The following CCDC141 variants were observed in gnomAD, a reference collection of about 807,000 sequenced individuals.
CCDC141 encodes the protein coiled-coil domain containing 141.
In CCDC141, 168 loss-of-function variants were observed where a neutral mutation model predicts 181.0. The ratio of observed to expected loss-of-function variants is 0.93; its 90% confidence interval spans 0.82 to 1.05. The LOEUF (loss-of-function observed/expected upper bound fraction) is 1.05, where lower values mean the gene tolerates loss of function less well. Ranked by LOEUF, CCDC141 falls within the 50% of genes least tolerant of loss-of-function variation. The probability of loss-of-function intolerance (pLI) is 0.00; values close to 1 mark genes in which losing one functional copy is unlikely to be tolerated. For missense variants in CCDC141, 1,902 were observed against 1,788.5 expected (o/e 1.06, Z -1.14); for synonymous variants, 666 against 642.3 (o/e 1.04, Z -0.56).
the CCDC141 span, among the ~76,000 whole-genome samples, chr2:178,823,631 CGTT>C: frequency 6.6e-6 from 1 of 152,000 alleles, no homozygotes; most frequent in Admixed American, 6.6e-5. Context: ...GATGTTATGA[CGTT>C]GTTATTACAT....
At chr2:178,865,335 A>AC (rs1384406564) in intron 17 of CCDC141, among the ~76,000 whole-genome samples, 1 of 152,202 alleles carries the variant, frequency 6.6e-6, no homozygotes, top group Non-Finnish European at 1.5e-5. Context: ...TGAGTCAATG[A>AC]CCCTTAAATA....
intron 2 of CCDC141, among the ~76,000 whole-genome samples, chr2:179,018,917 AG>A (rs2042620468): frequency 6.6e-6 from 1 of 152,236 alleles, no homozygotes; most frequent in African/African-American, 2.4e-5. Flanking sequence ...AGAAAAGATA[AG>A]TCAATGAAAT....
At chr2:179,011,299 C>T (rs1321920262) in intron 2 of CCDC141, among the ~76,000 whole-genome samples, 1 of 152,078 alleles carries the variant, frequency 6.6e-6, no homozygotes, top group African/African-American at 2.4e-5. Flanking sequence ...CAAATGGACA[C>T]CAAAAATGAG....
At chr2:178,909,844 G>T (rs1284037438) in intron 7 of CCDC141, among the ~76,000 whole-genome samples, 1 of 152,010 alleles carries the variant, frequency 6.6e-6, no homozygotes, top group Non-Finnish European at 1.5e-5. Flanking sequence ...TTTTCCCTTT[G>T]GTCTTTTTTC....
rs1488450947 is a variant in CCDC141, at chr2:179,047,396, C to T, written c.113G>A (p.Trp38Ter). 4.6e-6 allele frequency: 7 copies of T among 1,509,688 alleles called. No homozygotes were observed. Among genetic ancestry groups the T allele is most frequent in the Admixed American group, 2.5e-5 (1 of 40,674 alleles). 93.5% of individuals were successfully genotyped at this position (1,509,688 alleles called of 1,614,324 possible). A position where few individuals can be genotyped will look rare whatever the true frequency, so the allele number is the denominator to read the frequency against. ...TGATTCAGCCAGTTGAAGTTGTACCCATTTGCCACACTAAAAATAAAAATT... is the reference window on the plus strand; with the variant it reads ...TGATTCAGCCAGTTGAAGTTGTACCTATTTGCCACACTAAAAATAAAAATT... ...IVIAVIKCGK[W>*]VQLQLAESQP... Residue 38 changes from tryptophan to a stop codon, truncating the protein, a stop_gained, in exon 2 of 24, where the codon TGG becomes TAG. Transcript: ENST00000443758. LOFTEE classifies it high-confidence loss of function.
chr2:178,964,445 A>G (rs1187342368), intron 4 of CCDC141, among the ~76,000 whole-genome samples: 1 of 152,216 alleles, frequency 6.6e-6, no homozygotes, highest in East Asian at 1.9e-4. Flanking sequence ...CCATGAGAAT[A>G]TGAACAATTA....
chr2:179,017,089 T>G (rs2042564490), intron 2 of CCDC141, among the ~76,000 whole-genome samples: 1 of 152,160 alleles, frequency 6.6e-6, no homozygotes, highest in African/African-American at 2.4e-5. Context: ...CGAATATTTG[T>G]AAGTTATGAT....
At chr2:178,938,527 T>G (rs535319706) in intron 6 of CCDC141, among the ~76,000 whole-genome samples, 183 of 152,252 alleles carry the variant, frequency 1.2e-3, no homozygotes, top group Non-Finnish European at 2.0e-3. Flanking sequence ...GCGGTCAATT[T>G]TAGAGTATGT....
rs772453246 is a variant in CCDC141 at position 178,869,264 on chromosome 2, C to T, written c.2247G>A (p.Glu749=). 1.9e-6 allele frequency: 3 copies of T among 1,613,078 alleles called. No individual in the cohort carries two copies. Among genetic ancestry groups the T allele is most frequent in the Non-Finnish European group, 2.5e-6 (3 of 1,179,628 alleles). The part of the protein sequence containing the change: ...DEVQYIMKES[E]ELTGRGAPVK... Reference sequence around the variant, plus strand: ...CAGGGGCTCCTCTGCCAGTTAACTCCTCTGATTCTTTCATAATGTACTGAA... The same window carrying T: ...CAGGGGCTCCTCTGCCAGTTAACTCTTCTGATTCTTTCATAATGTACTGAA... Residue 749 remains glutamate (E), a synonymous_variant, in exon 15 of 24, where the codon GAG becomes GAA. Coordinates refer to ENST00000443758, the MANE Select transcript of CCDC141 (RefSeq NM_173648.4).
At chr2:178,939,002 A>G (rs1689401526) in intron 6 of CCDC141, among the ~76,000 whole-genome samples, 2 of 152,062 alleles carry the variant, frequency 1.3e-5, no homozygotes, top group Admixed American at 1.3e-4. Flanking sequence ...CTCTAATCTA[A>G]TCTGCATGGT....
intron 1 of CCDC141, among the ~76,000 whole-genome samples, chr2:179,048,582 T>C (rs910967792): frequency 6.6e-6 from 1 of 152,218 alleles, no homozygotes; most frequent in Non-Finnish European, 1.5e-5. Flanking sequence ...AAATAGTGAG[T>C]TTGCCTCTTT....
chr2:179,049,483 TC>T (rs1175264137), intron 1 of CCDC141, among the ~76,000 whole-genome samples: 10 of 152,188 alleles, frequency 6.6e-5, no homozygotes, highest in Admixed American at 2.0e-4. Context: ...TCCATTGGAC[TC>T]TTTAGTCAGG....
chr2:178,844,420 C>T (rs1383073454), intron 22 of CCDC141, among the ~76,000 whole-genome samples: 1 of 152,028 alleles, frequency 6.6e-6, no homozygotes, highest in East Asian at 1.9e-4. Context: ...ATTCTCTGGC[C>T]AAAATGTCAA....
intron 2 of CCDC141, among the ~76,000 whole-genome samples, chr2:179,015,021 C>G (rs1365714277): frequency 1.5e-5 from 2 of 134,004 alleles, no homozygotes; most frequent in Non-Finnish European, 3.1e-5. Flanking sequence ...GGAACAAACC[C>G]AAATGCCCAT....
chr2:179,014,511 C>T (rs1033511296), intron 2 of CCDC141, among the ~76,000 whole-genome samples: 7 of 152,086 alleles, frequency 4.6e-5, no homozygotes, highest in Admixed American at 6.5e-5. Flanking sequence ...AAAATCTTCA[C>T]AATCTATACA....
At chr2:178,969,205 C>T (rs1172604740) in intron 4 of CCDC141, among the ~76,000 whole-genome samples, 2 of 146,756 alleles carry the variant, frequency 1.4e-5, no homozygotes, top group African/African-American at 5.0e-5. Flanking sequence ...CCTTCTGAAA[C>T]TATTCCAAAC....
At chr2:178,936,822 G>A (rs1193333360) in intron 6 of CCDC141, among the ~76,000 whole-genome samples, 1 of 151,984 alleles carries the variant, frequency 6.6e-6, no homozygotes, top group Non-Finnish European at 1.5e-5. Flanking sequence ...TCCCTGGTTA[G>A]CTGTATTCCT....
At chr2:179,047,978 A>C (rs1559071143) in intron 1 of CCDC141, among the ~76,000 whole-genome samples, 1 of 152,190 alleles carries the variant, frequency 6.6e-6, no homozygotes. Flanking sequence ...TAGTTGTTGA[A>C]TATTCATTAA....
intron 2 of CCDC141, among the ~76,000 whole-genome samples, chr2:179,042,137 G>A (rs543225921): frequency 4.1e-4 from 62 of 152,212 alleles, no homozygotes; most frequent in South Asian, 8.3e-4. Context: ...GCCACATGGC[G>A]CTTACTTTAA....
Sources: gnomAD v4.1 joint callset for allele counts (sites outside exome capture counted in the v4.1 genomes callset) on GRCh38, gnomAD v4.1.1 for gene constraint, MANE v1.5 for transcripts, NCBI Gene and HGNC (gene_info 2026-07-23, HGNC 2026-07-21) for gene names.